The following FHIT variants were observed in gnomAD, a reference collection of about 807,000 sequenced individuals.
FHIT encodes bis(5'-adenosyl)-triphosphatase.
Under a neutral mutation model 17.9 loss-of-function variants are expected in FHIT, and 19 were observed. That is an observed-to-expected ratio of 1.06 (90% CI 0.74 to 1.56). The LOEUF is 1.56. FHIT is among the 40% of genes most tolerant of loss of function. FHIT has a pLI of 0.00. For missense variants in FHIT, 248 were observed against 189.2 expected (o/e 1.31, Z -1.82); for synonymous variants, 81 against 69.7 (o/e 1.16, Z -0.81).
intron 7 of FHIT, among the ~76,000 whole-genome samples, chr3:59,932,308 C>T (rs543040302): frequency 1.3e-5 from 2 of 152,214 alleles, no homozygotes; most frequent in South Asian, 4.1e-4. Context: ...AAGAGCTCTT[C>T]CACTGAGATT....
chr3:60,731,138 A>G (rs2042020874), intron 4 of FHIT, among the ~76,000 whole-genome samples: 1 of 152,058 alleles, frequency 6.6e-6, no homozygotes, highest in African/African-American at 2.4e-5. Context: ...CTCAAAAATA[A>G]ATAAATAAAT....
intron 3 of FHIT, among the ~76,000 whole-genome samples, chr3:60,896,188 T>A (rs1305902874): frequency 1.3e-5 from 2 of 152,082 alleles, no homozygotes; most frequent in East Asian, 1.9e-4. Flanking sequence ...CTGCCACCGA[T>A]GGAAAAATTG....
chr3:60,791,954 C>T (rs1017931116), intron 4 of FHIT, among the ~76,000 whole-genome samples: 2 of 152,184 alleles, frequency 1.3e-5, no homozygotes, highest in Admixed American at 6.5e-5. Flanking sequence ...CAATTGTATA[C>T]ACACCTCCTC....
At chr3:60,933,097 TA>T (rs1708043315) in intron 3 of FHIT, among the ~76,000 whole-genome samples, 1 of 152,238 alleles carries the variant, frequency 6.6e-6, no homozygotes, top group African/African-American at 2.4e-5. Context: ...TATAAATGAT[TA>T]AAAATAATAC....
chr3:60,903,690 T>G (rs537208224), intron 3 of FHIT, among the ~76,000 whole-genome samples: 15 of 152,328 alleles, frequency 9.8e-5, no homozygotes, highest in Non-Finnish European at 2.1e-4. Flanking sequence ...GCACTATATC[T>G]CTAAACATCT....
chr3:59,798,196 C>T (rs1699854964), intron 8 of FHIT, among the ~76,000 whole-genome samples: 1 of 152,192 alleles, frequency 6.6e-6, no homozygotes, highest in Admixed American at 6.5e-5. Flanking sequence ...GACAGTATTT[C>T]AGCTCAGAAA....
At position 60,545,533 on chromosome 3, in the gene FHIT, C is replaced by G. The variant is rs529755535; in HGVS notation, c.-17-8554G>C. On this transcript the variant is annotated intron_variant, in intron 4 of 9. Coordinates refer to ENST00000492590, the MANE Select transcript of FHIT (RefSeq NM_002012.4). ...CGTGAAAGTATTCCATTAGCTCTAT[C>G]TCTCACCTACTGTGCTTTTATTATC... Among the ~76,000 whole-genome samples, 40 of 152,304 alleles carry G rather than the reference C, an allele frequency of 2.6e-4. No individual in the cohort carries two copies. In the South Asian group the frequency reaches 8.1e-3, roughly 31 times the overall value.
chr3:61,099,304 T>C (rs28845848), intron 2 of FHIT, among the ~76,000 whole-genome samples: 74,364 of 151,994 alleles, frequency 0.49, 19,170 homozygotes, highest in Non-Finnish European at 0.57. Context: ...TTTTGATGTG[T>C]TGCTGGATTC....
chr3:59,839,153 CT>C (rs755351882), intron 8 of FHIT, among the ~76,000 whole-genome samples: 8 of 151,820 alleles, frequency 5.3e-5, no homozygotes, highest in Non-Finnish European at 1.0e-4. Context: ...CCCATCTCTA[CT>C]AAAAATGCAA....
At chr3:60,100,399 G>T (rs1185245201) in intron 5 of FHIT, among the ~76,000 whole-genome samples, 1 of 151,998 alleles carries the variant, frequency 6.6e-6, no homozygotes, top group Admixed American at 6.6e-5. Flanking sequence ...AAAAAATTGT[G>T]ATTTTTTGAA....
At position 59,781,158 on chromosome 3, in the gene FHIT, G is replaced by A. The variant is rs1051032370; in HGVS notation, c.349-28837C>T. Among the ~76,000 whole-genome samples, 5 of 152,176 alleles carry A rather than the reference G, an allele frequency of 3.3e-5. No homozygotes were observed. The South Asian group carries it at 1.0e-3, about 32-fold the overall frequency. ...GTGGGCTGCATTCCCTGCACTGTGAGCAAGGCCTGACCTAGAATGACCTGT... is the reference window on the plus strand; with the variant it reads ...GTGGGCTGCATTCCCTGCACTGTGAACAAGGCCTGACCTAGAATGACCTGT... On this transcript the variant is annotated intron_variant, in intron 8 of 9. Transcript: ENST00000492590.
chr3:61,250,929 G>C (rs970528553), intron 1 of FHIT, among the ~76,000 whole-genome samples: 1 of 152,190 alleles, frequency 6.6e-6, no homozygotes, highest in African/African-American at 2.4e-5. Context: ...CAGACCTGTT[G>C]GGACGGATTT....
chr3:60,512,970 T>C (rs2035006548), intron 5 of FHIT, among the ~76,000 whole-genome samples: 2 of 152,172 alleles, frequency 1.3e-5, no homozygotes, highest in Admixed American at 1.3e-4. Flanking sequence ...AAAAGCCAAC[T>C]GAGAAAGCAA....
chr3:60,177,355 A>G (rs941399879), intron 5 of FHIT, among the ~76,000 whole-genome samples: 3 of 152,188 alleles, frequency 2.0e-5, no homozygotes, highest in Admixed American at 1.3e-4. Flanking sequence ...CTGCCAGGCA[A>G]AAGTACTAGC....
intron 4 of FHIT, among the ~76,000 whole-genome samples, chr3:60,569,646 C>T (rs1168738934): frequency 6.7e-6 from 1 of 149,922 alleles, no homozygotes; most frequent in Non-Finnish European, 1.5e-5. Context: ...TCCCCTACAT[C>T]TCAGTTTCCC....
chr3:59,834,541 G>A (rs1701274725), intron 8 of FHIT, among the ~76,000 whole-genome samples: 1 of 152,178 alleles, frequency 6.6e-6, no homozygotes, highest in Non-Finnish European at 1.5e-5. Context: ...CAAGATCAGA[G>A]TGCTAGTATG....
intron 3 of FHIT, among the ~76,000 whole-genome samples, chr3:61,014,720 C>T (rs1352870064): frequency 7.3e-6 from 1 of 137,334 alleles, no homozygotes; most frequent in Non-Finnish European, 1.5e-5. Context: ...GCGGAGCTTG[C>T]AGTGAGCCAA....
intron 8 of FHIT, among the ~76,000 whole-genome samples, chr3:59,850,640 C>G (rs1701897173): frequency 6.6e-6 from 1 of 152,170 alleles, no homozygotes; most frequent in South Asian, 2.1e-4. Context: ...ATGGCCACCC[C>G]AAGGAACTTT....
At chr3:60,479,913 G>T (rs141584215) in intron 5 of FHIT, among the ~76,000 whole-genome samples, 1 of 152,276 alleles carries the variant, frequency 6.6e-6, no homozygotes, top group Admixed American at 6.5e-5. Context: ...GTGCCAAAAA[G>T]GTTGGGGGCT....
Sources: gnomAD v4.1 joint callset for allele counts (sites outside exome capture counted in the v4.1 genomes callset) on GRCh38, gnomAD v4.1.1 for gene constraint, MANE v1.5 for transcripts, NCBI Gene and HGNC (gene_info 2026-07-23, HGNC 2026-07-21) for gene names.